Variants in TK1 observed in about 807,000 individuals in gnomAD.
TK1 encodes the protein thymidine kinase, cytosolic.
In TK1, 13 loss-of-function variants were observed where a neutral mutation model predicts 22.4. The observed-to-expected ratio is 0.58, with a 90% CI of 0.38 to 0.92. The LOEUF (loss-of-function observed/expected upper bound fraction) is 0.92. Among genes scored for constraint, TK1 ranks in the 40% least tolerant of loss-of-function variants. The pLI, the probability that TK1 is intolerant of heterozygous loss-of-function variation, is 0.00. For missense variants in TK1, 251 were observed against 315.7 expected (o/e 0.80, Z 1.55); for synonymous variants, 134 against 125.4 (o/e 1.07, Z -0.46).
chr17:78,187,175 C>A (rs2075816068), upstream of TK1: 2 of 897,982 alleles, frequency 2.2e-6, no homozygotes, highest in Admixed American at 4.3e-5. Flanking sequence ...CGCAGCCCGC[C>A]CCCTCGTGGG....
chr17:78,186,700 G>GAGGGGAGGGC lies in TK1; in HGVS notation c.98+86_98+87insGCCCTCCCCT, dbSNP rs2075802289. 7.2e-6 allele frequency: 8 copies of GAGGGGAGGGC among 1,110,846 alleles called. No homozygotes were observed. The Admixed American group carries it at 8.7e-5, about 12-fold the overall frequency. The allele number at this position is 1,110,846 out of a possible 1,614,324, so 68.8% of individuals were successfully genotyped here. A position where few individuals can be genotyped will look rare whatever the true frequency, so the allele number is the denominator to read the frequency against. On this transcript the variant is annotated intron_variant, in intron 2 of 6. Coordinates refer to ENST00000301634, the MANE Select transcript of TK1 (RefSeq NM_003258.5). ...GAGGGAAGGGAAGGGGAGGGGAGGGGAGGGGAGGGAAGGGGAGGGGAGGGA... is the reference window on the plus strand; with the variant it reads ...GAGGGAAGGGAAGGGGAGGGGAGGGGAGGGGAGGGCAGGGGAGGGAAGGGGAGGGGAGGGA...
At chr17:78,179,779 A>T (rs1163749701) in intron 4 of TK1, 1 of 984,304 alleles carries the variant, frequency 1.0e-6, no homozygotes, top group Non-Finnish European at 1.2e-6. Flanking sequence ...ATAGAACTAG[A>T]CTAAGTGTGG....
At chr17:78,179,955 C>G (rs1415145261) in intron 4 of TK1, among the ~76,000 whole-genome samples, 1 of 152,182 alleles carries the variant, frequency 6.6e-6, no homozygotes, top group Non-Finnish European at 1.5e-5. Context: ...CCTGTAATCC[C>G]AGCTACTCAG....
At position 78,175,126 on chromosome 17, in the gene TK1, A is replaced by G. The variant is rs2075688851; in HGVS notation, c.437T>C (p.Val146Ala). The change falls in exon 6 of 7, where the codon GTG becomes GCG. Residue 146 changes from valine (V) to alanine (A), a missense_variant. Val to Ala is a moderately conservative substitution (Grantham distance 64). Transcript: ENST00000301634. ...ILNLVPLAES[V>A]VKLTAVCMEC... is the part of the protein sequence containing the mutation. ...CATGCACACCGCCGTCAGCTTCACC[A>G]CGCTCTCGGCCAGCGGCACCAGGTT... The G allele has an allele frequency of 6.2e-7, 1 of 1,612,826 alleles. No individual in the cohort carries two copies. Among genetic ancestry groups the G allele is most frequent in the Non-Finnish European group, 8.5e-7 (1 of 1,179,828 alleles).
chr17:78,174,589 A>C lies in TK1; in HGVS notation c.*170T>G. On this transcript the variant is annotated 3_prime_UTR_variant, in exon 7 of 7. Transcript: ENST00000301634. ...TAAGCAGACCAGTGGGTAGGAGAGG[A>C]GGGAGCATGCGGCAGGTGGGGCAGC... is the stretch of plus-strand genomic sequence containing the variant. 1.4e-6 allele frequency: 1 copy of C among 710,502 alleles called. No homozygotes were observed. Among genetic ancestry groups the C allele is most frequent in the South Asian group, 1.9e-5 (1 of 52,576 alleles). The allele number at this position is 710,502 out of a possible 1,614,324, so 44.0% of individuals were successfully genotyped here. A position where few individuals can be genotyped will look rare whatever the true frequency, so the allele number is the denominator to read the frequency against.
At position 78,186,984 on chromosome 17, in the gene TK1, A is replaced by G. The variant is rs780618038; in HGVS notation, c.11T>C (p.Ile4Thr). Residue 4 changes from isoleucine to threonine, a missense_variant, in exon 1 of 7, where the codon ATT becomes ACT. Ile to Thr is a moderately conservative substitution (Grantham distance 89). Transcript: ENST00000301634. MSCINLPTVLPGSP... is the reference protein window; with the variant it reads MSCTNLPTVLPGSP... The stretch of plus-strand genomic sequence containing the variant: ...GCCAGGCAGCACAGTGGGCAGGTTA[A>G]TGCAGCTCATTGCGCCTCCGGGAAG... The G allele has an allele frequency of 5.7e-6, 9 of 1,582,198 alleles. No homozygotes were observed. In the South Asian group the frequency reaches 1.0e-4, roughly 18 times the overall value.
chr17:78,185,586 G>A (rs2075778956), intron 2 of TK1, among the ~76,000 whole-genome samples: 1 of 152,088 alleles, frequency 6.6e-6, no homozygotes, highest in Non-Finnish European at 1.5e-5. Context: ...GTGCAGTGGA[G>A]CGATCTCAGC....
In TK1 at chr17:78,185,067, C is replaced by T. The variant is rs373525383; in HGVS notation, c.197G>A (p.Cys66Tyr). The change falls in exon 3 of 7, where the codon TGC (cysteine) becomes TAC (tyrosine). Residue 66 changes from cysteine (C) to tyrosine (Y), a missense_variant. By Grantham distance (194) the Cys-to-Tyr change is radical (BLOSUM62 -2). Coordinates refer to ENST00000301634, the MANE Select transcript of TK1 (RefSeq NM_003258.5). ...AKDTRYSSSF[C>Y]THDRNTMEAL... Reference sequence around the variant, plus strand: ...GGCAGGGACTGACCGGTCATGTGTGCAGAAGCTGCTGCTGTAGCGAGTGTC... The same window carrying T: ...GGCAGGGACTGACCGGTCATGTGTGTAGAAGCTGCTGCTGTAGCGAGTGTC... 1.4e-5 allele frequency: 22 copies of T among 1,612,644 alleles called. No individual in the cohort carries two copies. Among genetic ancestry groups the T allele is most frequent in the Non-Finnish European group, 1.8e-5 (21 of 1,179,652 alleles).
At chr17:78,180,488 GA>G (rs1381713185) in intron 4 of TK1, among the ~76,000 whole-genome samples, 1 of 152,178 alleles carries the variant, frequency 6.6e-6, no homozygotes, top group African/African-American at 2.4e-5. Flanking sequence ...GCAGAGGAAA[GA>G]AAACTAAGAT....
chr17:78,186,727 G>C lies in TK1; in HGVS notation c.98+60C>G, dbSNP rs888747870. 9.9e-5 allele frequency: 151 copies of C among 1,519,696 alleles called. 1 individual carries two copies. In the Middle Eastern group the frequency reaches 2.1e-3, roughly 21 times the overall value. 94.1% of individuals were successfully genotyped at this position (1,519,696 alleles called of 1,614,324 possible). ...GGGGAGGGAAGGGGAGGGGAGGGAC[G>C]GGACAAGGGGTCCCCGGAGAAGAGG... On this transcript the variant is annotated intron_variant, in intron 2 of 6. Transcript: ENST00000301634.
At chr17:78,178,647 T>C (rs1419375041) in intron 4 of TK1, among the ~76,000 whole-genome samples, 3 of 152,124 alleles carry the variant, frequency 2.0e-5, no homozygotes, top group African/African-American at 7.2e-5. Context: ...TCTTTTGTTT[T>C]GTTTTGTTTT....
In TK1 at chr17:78,174,823, T is replaced by C. The variant is rs1388632281; in HGVS notation, c.641A>G (p.Glu214Gly). Residue 214 changes from glutamate (E) to glycine (G), a missense_variant, in exon 7 of 7, where the codon GAA becomes GGA. Coordinates refer to ENST00000301634, the MANE Select transcript of TK1 (RefSeq NM_003258.5). The stretch of plus-strand genomic sequence containing the variant: ...AAAGAGCTTCCTGGCAGCCACGGCT[T>C]CCCCTGGCTTTCCTGGCACTGGGCA... ...ENCPVPGKPGEAVAARKLFAP... is the reference protein window; with the variant it reads ...ENCPVPGKPGGAVAARKLFAP... 8.7e-6 allele frequency: 14 copies of C among 1,613,222 alleles called. No individual in the cohort carries two copies. In the Admixed American group the frequency reaches 1.5e-4, roughly 17 times the overall value.
intron 3 of TK1, among the ~76,000 whole-genome samples, chr17:78,184,236 G>A (rs1419648608): frequency 6.6e-6 from 1 of 152,122 alleles, no homozygotes; most frequent in African/African-American, 2.4e-5. Flanking sequence ...GGCTTCAGGA[G>A]CCCCTCAGCT....
rs1294226273 is a variant in TK1, at chr17:78,182,622, G to A, written c.270C>T (p.Gly90=). 14 of 1,594,892 alleles carry A rather than the reference G, an allele frequency of 8.8e-6. No individual in the cohort carries two copies. The highest frequency in any genetic ancestry group is 5.7e-5 in the South Asian group (5 of 88,124). The change falls in exon 4 of 7, where the codon GGC becomes GGT. Residue 90 remains glycine, a synonymous_variant. Transcript: ENST00000301634. ...CCTCGTCGATGCCTATGACAGCCAC[G>A]CCCAGGGCCTCCTGGGCCACGTCTC... The part of the protein sequence containing the change: ...LLRDVAQEAL[G]VAVIGIDEGQ...
At chr17:78,186,685 A>AAGGGGAGGAG in intron 2 of TK1, 102 bp downstream of exon 2, 1 of 843,744 alleles carries the variant, frequency 1.2e-6, no homozygotes, top group Admixed American at 2.9e-5. Context: ...GAGGGAAGGG[A>AAGGGGAGGAG]AGGGGAGGGG....
At position 78,176,884 on chromosome 17, in the gene TK1, AGTT is replaced by A. The variant is rs147798507; in HGVS notation, c.304-1269_304-1267del. On this transcript the variant is annotated intron_variant, in intron 4 of 6. Coordinates refer to ENST00000301634, the MANE Select transcript of TK1 (RefSeq NM_003258.5). ...CCCCAGCTGCGACAAAATTGTTTCT[AGTT>A]GTTGTGAGATGTCCCCTGGGTGGGA... Among the ~76,000 whole-genome samples, 1,244 of 152,080 alleles carry A rather than the reference AGTT, an allele frequency of 8.2e-3. 15 individuals carry two copies. The highest frequency in any genetic ancestry group is 0.029 in the African/African-American group (1,186 of 41,446).
At chr17:78,182,387 A>AG (rs1286787213) in intron 4 of TK1, among the ~76,000 whole-genome samples, 1 of 152,054 alleles carries the variant, frequency 6.6e-6, no homozygotes, top group East Asian at 1.9e-4. Flanking sequence ...AAAAAAAAAA[A>AG]AAGTAAAACG....
At chr17:78,179,071 A>T in intron 4 of TK1, 1 of 764,322 alleles carries the variant, frequency 1.3e-6, no homozygotes, top group South Asian at 5.9e-5. Context: ...GATGTCGAGG[A>T]AGGAGAAGGG....
At chr17:78,185,210 T>G (rs1211622612) in intron 2 of TK1, 45 bp from the exon 3 acceptor site, 2 of 1,507,324 alleles carry the variant, frequency 1.3e-6, no homozygotes, top group Non-Finnish European at 1.8e-6. Flanking sequence ...GCGGGAGGAG[T>G]GGGAGAAGGA....
Sources: gnomAD v4.1 joint callset for allele counts (sites outside exome capture counted in the v4.1 genomes callset) on GRCh38, gnomAD v4.1.1 for gene constraint, MANE v1.5 for transcripts, NCBI Gene and HGNC (gene_info 2026-07-23, HGNC 2026-07-21) for gene names.